CATSPERT: variants seen among roughly 807,000 people sequenced by gnomAD.
CATSPERT encodes catsper channel auxiliary subunit tau.
At chr2:201,488,300 T>G in the CATSPERT span, among the ~76,000 whole-genome samples, 1 of 152,164 alleles carries the variant, frequency 6.6e-6, no homozygotes, top group Non-Finnish European at 1.5e-5. Flanking sequence ...CAACAAAATC[T>G]CTCTCTCCGA....
At chr2:201,546,615 T>C in the CATSPERT span, among the ~76,000 whole-genome samples, 5 of 152,216 alleles carry the variant, frequency 3.3e-5, no homozygotes, top group Middle Eastern at 3.4e-3. Context: ...ATGGGTATAA[T>C]AATAATTTTT....
the CATSPERT span, among the ~76,000 whole-genome samples, chr2:201,569,629 G>T: frequency 1.3e-5 from 2 of 152,150 alleles, no homozygotes. Context: ...AAGGATGCCA[G>T]GATACCCTTC....
the CATSPERT span, among the ~76,000 whole-genome samples, chr2:201,489,555 T>C: frequency 6.6e-6 from 1 of 152,190 alleles, no homozygotes; most frequent in Non-Finnish European, 1.5e-5. Context: ...AATATATAGC[T>C]ATATAATATT....
chr2:201,581,087 C>G, the CATSPERT span, among the ~76,000 whole-genome samples: 1 of 152,058 alleles, frequency 6.6e-6, no homozygotes, highest in Non-Finnish European at 1.5e-5. Flanking sequence ...ATTCTGTACA[C>G]GATAAATATA....
chr2:201,497,062 T>C, the CATSPERT span, among the ~76,000 whole-genome samples: 1 of 152,234 alleles, frequency 6.6e-6, no homozygotes, highest in East Asian at 1.9e-4. Context: ...TTATCTCCTT[T>C]AGTCTGTAGA....
the CATSPERT span, among the ~76,000 whole-genome samples, chr2:201,516,748 AT>A: frequency 8.9e-3 from 1,061 of 119,786 alleles, 3 homozygotes; most frequent in Non-Finnish European, 0.013. Flanking sequence ...TTTTGTGGAG[AT>A]TTTTTTTCCC....
the CATSPERT span, among the ~76,000 whole-genome samples, chr2:201,543,058 T>C: frequency 9.0e-3 from 1,367 of 152,316 alleles, 19 homozygotes; most frequent in African/African-American, 0.031. Context: ...TAATTTCAAT[T>C]CTTTTGCATG....
At chr2:201,571,399 C>A in the CATSPERT span, among the ~76,000 whole-genome samples, 4 of 152,142 alleles carry the variant, frequency 2.6e-5, no homozygotes, top group East Asian at 7.7e-4. Context: ...GCTCATTTTT[C>A]TATAATCTAT....
the CATSPERT span, among the ~76,000 whole-genome samples, chr2:201,552,303 T>C: frequency 6.6e-6 from 1 of 152,298 alleles, no homozygotes; most frequent in South Asian, 2.1e-4. Context: ...AGCTTCGCAG[T>C]GTAAACCTTG....
chr2:201,578,888 C>G, the CATSPERT span, among the ~76,000 whole-genome samples: 2 of 152,070 alleles, frequency 1.3e-5, no homozygotes, highest in Non-Finnish European at 2.9e-5. Flanking sequence ...AGATCTTCTC[C>G]CAAAATATTT....
chr2:201,618,963 G>T, the CATSPERT span: 2 of 1,613,964 alleles, frequency 1.2e-6, no homozygotes, highest in Non-Finnish European at 1.7e-6. Context: ...TCGTGCCCTG[G>T]TTCAGGGCGT....
the CATSPERT span, among the ~76,000 whole-genome samples, chr2:201,490,015 C>A: frequency 6.6e-6 from 1 of 152,194 alleles, no homozygotes; most frequent in Admixed American, 6.5e-5. Context: ...CACCACGACA[C>A]CCAGCTAATT....
the CATSPERT span, among the ~76,000 whole-genome samples, chr2:201,518,848 T>C: frequency 2.0e-5 from 3 of 152,214 alleles, no homozygotes; most frequent in Non-Finnish European, 4.4e-5. Flanking sequence ...TTTCCCTTTG[T>C]CCTCCTAGGA....
At chr2:201,544,925 A>C in the CATSPERT span, among the ~76,000 whole-genome samples, 15 of 151,622 alleles carry the variant, frequency 9.9e-5, no homozygotes, top group Non-Finnish European at 1.9e-4. Context: ...TGAACCCAGG[A>C]GGTCAAGTCT....
At chr2:201,589,333 T>A in the CATSPERT span, among the ~76,000 whole-genome samples, 3 of 152,274 alleles carry the variant, frequency 2.0e-5, no homozygotes, top group African/African-American at 7.2e-5. Flanking sequence ...GCTAGAGGCA[T>A]CACACTACCC....
the CATSPERT span, chr2:201,535,833 C>T: frequency 1.4e-6 from 2 of 1,461,836 alleles, no homozygotes; most frequent in East Asian, 2.5e-5. Flanking sequence ...AGGGCAGACA[C>T]CTTGAGCTCA....
chr2:201,495,680 C>T, the CATSPERT span, among the ~76,000 whole-genome samples: 2 of 136,718 alleles, frequency 1.5e-5, no homozygotes, highest in African/African-American at 5.8e-5. Context: ...TTAAGAATCC[C>T]CTTGGTTTTT....
chr2:201,494,239 T>C, the CATSPERT span: 2 of 1,536,896 alleles, frequency 1.3e-6, no homozygotes, highest in Non-Finnish European at 1.7e-6. Flanking sequence ...CTCTCTTGCT[T>C]CACTGTTCAT....
the CATSPERT span, chr2:201,565,972 T>C: frequency 9.3e-7 from 1 of 1,076,786 alleles, no homozygotes; most frequent in Non-Finnish European, 1.3e-6. Context: ...TTTACACTTT[T>C]AGCTCACCTA....
Sources: allele counts gnomAD v4.1 joint callset (sites outside exome capture counted in the v4.1 genomes callset), GRCh38; gene constraint gnomAD v4.1.1; transcripts MANE v1.5; gene names NCBI Gene and HGNC (gene_info 2026-07-23, HGNC 2026-07-21).